YME1L1: variants seen among roughly 807,000 people sequenced by gnomAD.
YME1L1 encodes the protein YME1 like 1 ATPase.
A neutral mutation model predicts 90.4 loss-of-function variants in YME1L1; 39 were observed. That is an observed-to-expected ratio of 0.43 (90% CI 0.33 to 0.56). The LOEUF (loss-of-function observed/expected upper bound fraction) is 0.56. YME1L1 is among the 20% of genes least tolerant of loss of function. The probability of loss-of-function intolerance (pLI) is 0.03; values close to 1 mark genes in which losing one functional copy is unlikely to be tolerated. For missense variants in YME1L1, 617 were observed against 868.4 expected, an observed-to-expected ratio of 0.71 and a Z score of 3.64; for synonymous variants, 284 against 287.3, an observed-to-expected ratio of 0.99 and a Z score of 0.12.
chr10:27,125,456 T>C (rs915970328), intron 9 of YME1L1, among the ~76,000 whole-genome samples: 2 of 57,060 alleles, frequency 3.5e-5, no homozygotes, highest in South Asian at 4.9e-4. Context: ...ATTGTTTCAT[T>C]TGAAAAAAAA....
chr10:27,153,535 G>C (rs1229444169), intron 1 of YME1L1, among the ~76,000 whole-genome samples: 1 of 152,186 alleles, frequency 6.6e-6, no homozygotes, highest in Non-Finnish European at 1.5e-5. Context: ...GATTGCCCAA[G>C]AGCGTAATGA....
chr10:27,137,052 TTAAAA>T (rs2057036695), intron 4 of YME1L1, among the ~76,000 whole-genome samples: 1 of 148,696 alleles, frequency 6.7e-6, no homozygotes, highest in South Asian at 2.1e-4. Flanking sequence ...AACCAAGTAA[TTAAAA>T]TAGATTGAAT....
intron 3 of YME1L1, among the ~76,000 whole-genome samples, chr10:27,143,415 T>C (rs2057110324): frequency 1.3e-5 from 2 of 148,652 alleles, no homozygotes; most frequent in Non-Finnish European, 3.0e-5. Flanking sequence ...GTACTGTGTT[T>C]AAGGCCAGGC....
chr10:27,125,458 G>GGAAAAA lies in YME1L1; in HGVS notation c.949+1237_949+1238insTTTTTC, dbSNP rs534522674. ...AAGGAATTGTTTCATTGTTTCATTT[G>GGAAAAA]AAAAAAAAAAAAAAAAAAACAATAA... On this transcript the variant is annotated intron_variant, in intron 9 of 18. Coordinates refer to ENST00000376016, the MANE Select transcript of YME1L1 (RefSeq NM_014263.4). Among the ~76,000 whole-genome samples, 209 of 107,656 alleles carry GGAAAAA rather than the reference G, an allele frequency of 1.9e-3. 2 individuals are homozygous for GGAAAAA. Among genetic ancestry groups the GGAAAAA allele is most frequent in the Middle Eastern group, 5.4e-3 (1 of 186 alleles). The allele number at this position is 107,656 out of a possible 152,430, so 70.6% of individuals were successfully genotyped here. A position where few individuals can be genotyped will look rare whatever the true frequency, so the allele number is the denominator to read the frequency against.
At chr10:27,143,311 G>A (rs909780171) in intron 3 of YME1L1, among the ~76,000 whole-genome samples, 1 of 152,132 alleles carries the variant, frequency 6.6e-6, no homozygotes, top group East Asian at 2.0e-4. Flanking sequence ...AGAAGTTGTG[G>A]TGAGCTGAGA....
intron 13 of YME1L1, 152 bp downstream of exon 13, chr10:27,120,283 T>A (rs188290980): frequency 1.1e-4 from 62 of 583,242 alleles, no homozygotes; most frequent in African/African-American, 9.9e-4. Context: ...CACTAAGGAA[T>A]GGACTTTTAA....
At chr10:27,118,346 A>T (rs1007731066) in intron 14 of YME1L1, among the ~76,000 whole-genome samples, 1 of 150,076 alleles carries the variant, frequency 6.7e-6, no homozygotes, top group Non-Finnish European at 1.5e-5. Flanking sequence ...CAGTGGCATG[A>T]TCATGGCTCA....
At chr10:27,151,433 A>G (rs2057214583) in intron 1 of YME1L1, among the ~76,000 whole-genome samples, 1 of 152,252 alleles carries the variant, frequency 6.6e-6, no homozygotes, top group Non-Finnish European at 1.5e-5. Context: ...TCAATGGACT[A>G]ACGCCATTAT....
intron 13 of YME1L1, among the ~76,000 whole-genome samples, 170 bp downstream of exon 13, chr10:27,120,265 T>C (rs2056853338): frequency 6.6e-6 from 1 of 152,004 alleles, no homozygotes; most frequent in Non-Finnish European, 1.5e-5. Flanking sequence ...TAGAATCTCC[T>C]GGATATACAC....
intron 5 of YME1L1, 41 bp from the exon 6 acceptor site, chr10:27,135,022 A>G: frequency 6.4e-7 from 1 of 1,564,102 alleles, no homozygotes; most frequent in Non-Finnish European, 8.7e-7. Context: ...TTAACAACAC[A>G]GTGATACTTC....
At chr10:27,113,276 T>C (rs894935554) in intron 18 of YME1L1, among the ~76,000 whole-genome samples, 1 of 127,588 alleles carries the variant, frequency 7.8e-6, no homozygotes. Context: ...CCTGCCTTCA[T>C]GAATGGGTAG....
At position 27,120,474 on chromosome 10, in the gene YME1L1, T is replaced by C. The variant is rs1173665865; in HGVS notation, c.1372A>G (p.Ile458Val). Residue 458 changes from isoleucine to valine, a missense_variant, in exon 13 of 19, where the codon ATT becomes GTT. Physicochemically the swap from Ile to Val is conservative, Grantham distance 29. This residue lies in a region of YME1L1 where 212 missense variants were observed against 330.0 expected (regional missense o/e 0.64). Transcript: ENST00000376016. ...ATTTTATTGAGATACCATTTCAAAA[T>C]TTCTGTTCGACCTTTTACATCTGGC... is the stretch of plus-strand genomic sequence containing the variant. ...PRPDVKGRTEILKWYLNKIKF... is the reference protein window; with the variant it reads ...PRPDVKGRTEVLKWYLNKIKF... The C allele has an allele frequency of 1.9e-6, 3 of 1,613,876 alleles. No homozygotes were observed. The highest frequency in any genetic ancestry group is 1.7e-6 in the Non-Finnish European group (2 of 1,179,830).
intron 9 of YME1L1, among the ~76,000 whole-genome samples, chr10:27,125,289 TGAAGTCATTA>T (rs550190604): frequency 2.1e-3 from 312 of 152,104 alleles, no homozygotes; most frequent in African/African-American, 7.3e-3. Flanking sequence ...AAGGATACTG[TGAAGTCATTA>T]AAAGTCATGT....
intron 1 of YME1L1, among the ~76,000 whole-genome samples, chr10:27,150,920 CTTTTTT>C (rs142259641): frequency 2.3e-5 from 2 of 87,660 alleles, no homozygotes; most frequent in South Asian, 1.1e-3. Context: ...ACTCTCTCGC[CTTTTTT>C]TTTTTTTTTT....
At position 27,112,043 on chromosome 10, in the gene YME1L1, G is replaced by A; in HGVS notation, c.2085C>T (p.Thr695=). 5.6e-6 allele frequency: 9 copies of A among 1,614,040 alleles called. No individual in the cohort carries two copies. The highest frequency in any genetic ancestry group is 4.0e-5 in the African/African-American group (3 of 75,036). Residue 695 remains threonine (T), a synonymous_variant, in exon 19 of 19, where the codon ACC becomes ACT. Transcript: ENST00000376016. ...TCTCTTTGGCATCCAAAGTCTCATA[G>A]GTCAATAAAGCTTCTGCGAGATTCT... ...EHKNLAEALL[T]YETLDAKEIQ...
At chr10:27,122,296 C>A (rs2056875445) in intron 11 of YME1L1, among the ~76,000 whole-genome samples, 1 of 152,138 alleles carries the variant, frequency 6.6e-6, no homozygotes, top group South Asian at 2.1e-4. Flanking sequence ...AGCTTAGGTG[C>A]CTGGTTAATT....
intron 2 of YME1L1, chr10:27,147,039 C>A: frequency 4.1e-6 from 1 of 242,104 alleles, no homozygotes; most frequent in Non-Finnish European, 8.0e-6. Context: ...GGGACGGGGG[C>A]AAACAAAAAG....
chr10:27,136,466 C>G (rs565425516), intron 4 of YME1L1, 81 bp from the exon 5 acceptor site: 2 of 1,126,534 alleles, frequency 1.8e-6, no homozygotes, highest in African/African-American at 1.6e-5. Flanking sequence ...AGTCTGACAC[C>G]CTACCTGTAT....
Position 27,142,430 on chromosome 10 carries a change from T to G in YME1L1, c.387A>C (p.Ser129=), listed in dbSNP as rs2057098746. 1 of 1,533,046 alleles carries G rather than the reference T, an allele frequency of 6.5e-7. No individual in the cohort carries two copies. The highest frequency in any genetic ancestry group is 2.1e-5 in the Admixed American group (1 of 48,562). The allele number at this position is 1,533,046 out of a possible 1,614,324, so 95.0% of individuals were successfully genotyped here. Reference sequence around the variant, plus strand: ...CTGAACAAATGCTTTGAAGAGCTCTTGAATGATGTCGATACAAGCAAGAGG... The same window carrying G: ...CTGAACAAATGCTTTGAAGAGCTCTGGAATGATGTCGATACAAGCAAGAGG... ...LRSSCLYRHH[S]RALQSICSDL... The change falls in exon 4 of 19, where the codon TCA becomes TCC. Residue 129 remains serine, a synonymous_variant. Transcript: ENST00000376016.
Sources: allele counts gnomAD v4.1 joint callset (sites outside exome capture counted in the v4.1 genomes callset), GRCh38; gene constraint gnomAD v4.1.1; regional missense constraint gnomAD v4.1.1; transcripts MANE v1.5; gene names NCBI Gene and HGNC (gene_info 2026-07-23, HGNC 2026-07-21).